ALG14: variants seen among roughly 807,000 people sequenced by gnomAD.
ALG14 encodes UDP-N-acetylglucosamine transferase subunit ALG14.
In ALG14, 17 loss-of-function variants were observed where a neutral mutation model predicts 22.8. The observed-to-expected ratio is 0.75, with a 90% CI of 0.51 to 1.12. The LOEUF (loss-of-function observed/expected upper bound fraction) is 1.12, where lower values mean the gene tolerates loss of function less well. ALG14 is among the 50% of genes most tolerant of loss of function. The pLI is 0.00. For missense variants in ALG14, 288 were observed against 271.8 expected (o/e 1.06, Z -0.42); for synonymous variants, 89 against 103.7 (o/e 0.86, Z 0.86).
chr1:95,058,377 G>A (rs1212162323), intron 2 of ALG14, among the ~76,000 whole-genome samples: 1 of 151,012 alleles, frequency 6.6e-6, no homozygotes, highest in Non-Finnish European at 1.5e-5. Flanking sequence ...ATTTTGGGAG[G>A]CTGAGGAGGT....
chr1:95,066,419 TCAC>T (rs1675370869), intron 1 of ALG14, among the ~76,000 whole-genome samples: 1 of 152,150 alleles, frequency 6.6e-6, no homozygotes, highest in Non-Finnish European at 1.5e-5. Context: ...AGACAGAGTT[TCAC>T]CACATTAGTC....
At chr1:95,012,702 T>A (rs1359792129) in intron 3 of ALG14, among the ~76,000 whole-genome samples, 1 of 152,202 alleles carries the variant, frequency 6.6e-6, no homozygotes, top group Non-Finnish European at 1.5e-5. Context: ...TAGAATTTCC[T>A]AGTATGTCAT....
At chr1:95,025,443 C>A (rs1452838910) in intron 3 of ALG14, among the ~76,000 whole-genome samples, 2 of 152,196 alleles carry the variant, frequency 1.3e-5, no homozygotes, top group Non-Finnish European at 2.9e-5. Flanking sequence ...TAAATGAGCA[C>A]TGGCTTCAAC....
intron 3 of ALG14, among the ~76,000 whole-genome samples, chr1:94,996,122 T>A (rs888087320): frequency 1.3e-5 from 2 of 152,238 alleles, no homozygotes; most frequent in African/African-American, 4.8e-5. Flanking sequence ...GAGGAGTGAC[T>A]CTATGCTAGT....
chr1:95,019,939 C>T (rs532796957), intron 3 of ALG14, among the ~76,000 whole-genome samples: 1 of 152,176 alleles, frequency 6.6e-6, no homozygotes, highest in East Asian at 1.9e-4. Context: ...GATACATGGC[C>T]GGGTGTGGTG....
chr1:95,000,113 C>T (rs1280224912), intron 3 of ALG14, among the ~76,000 whole-genome samples: 2 of 152,232 alleles, frequency 1.3e-5, no homozygotes, highest in African/African-American at 4.8e-5. Flanking sequence ...CCTTCCTAAA[C>T]TCACTGCCTA....
intron 3 of ALG14, among the ~76,000 whole-genome samples, chr1:94,999,091 T>C (rs990419335): frequency 2.0e-4 from 31 of 152,122 alleles, no homozygotes; most frequent in African/African-American, 7.0e-4. Context: ...TTTTGAAACA[T>C]GTCATTAGTT....
chr1:95,071,425 TC>T (rs67122987), intron 1 of ALG14, among the ~76,000 whole-genome samples: 2,444 of 152,120 alleles, frequency 0.016, 63 homozygotes, highest in African/African-American at 0.056. Context: ...GCGCCTGTAA[TC>T]CCAGCTACTC....
At chr1:95,049,311 T>C (rs1169898058) in intron 2 of ALG14, among the ~76,000 whole-genome samples, 2 of 152,044 alleles carry the variant, frequency 1.3e-5, no homozygotes, top group Admixed American at 6.6e-5. Flanking sequence ...AATGGGCAGA[T>C]TGCTTGAGTT....
chr1:95,014,909 T>C (rs1367348102), intron 3 of ALG14, among the ~76,000 whole-genome samples: 1 of 152,198 alleles, frequency 6.6e-6, no homozygotes, highest in African/African-American at 2.4e-5. Context: ...AGCATGTTGA[T>C]GGAATGGCAG....
chr1:95,011,210 G>C (rs965387676), intron 3 of ALG14, among the ~76,000 whole-genome samples: 7 of 152,144 alleles, frequency 4.6e-5, no homozygotes, highest in African/African-American at 7.2e-5. Context: ...GCTTTTGGGA[G>C]ATGATTAGGT....
intron 2 of ALG14, among the ~76,000 whole-genome samples, chr1:95,040,673 A>G (rs1214247552): frequency 6.6e-6 from 1 of 152,208 alleles, no homozygotes. Context: ...AATAAATTGT[A>G]TGTTTGTACT....
intron 2 of ALG14, among the ~76,000 whole-genome samples, chr1:95,046,508 C>A (rs763748853): frequency 6.6e-6 from 1 of 152,200 alleles, no homozygotes; most frequent in African/African-American, 2.4e-5. Flanking sequence ...GTGGAAAAAC[C>A]GTCTTCCATG....
intron 2 of ALG14, among the ~76,000 whole-genome samples, chr1:95,038,697 C>CA (rs1036147363): frequency 3.2e-5 from 4 of 126,718 alleles, no homozygotes; most frequent in African/African-American, 1.2e-4. Context: ...AAAAAAAAAA[C>CA]AAAGTGATAA....
At chr1:95,063,518 C>T (rs1571677880) in intron 2 of ALG14, among the ~76,000 whole-genome samples, 1 of 152,208 alleles carries the variant, frequency 6.6e-6, no homozygotes, top group African/African-American at 2.4e-5. Flanking sequence ...TATGGCTAGC[C>T]AGTTCAACTC....
At chr1:95,021,589 A>G (rs1673663662) in intron 3 of ALG14, among the ~76,000 whole-genome samples, 1 of 152,174 alleles carries the variant, frequency 6.6e-6, no homozygotes, top group Non-Finnish European at 1.5e-5. Context: ...TGCTATACAA[A>G]TAGAGCTCCT....
chr1:95,025,159 C>T (rs181320305), intron 3 of ALG14, among the ~76,000 whole-genome samples: 34 of 152,284 alleles, frequency 2.2e-4, no homozygotes, highest in African/African-American at 7.7e-4. Flanking sequence ...TGTATATCTC[C>T]ATCAGAGCTC....
In ALG14 at chr1:94,982,594, A is replaced by C. The variant is rs1444215578; in HGVS notation, c.*482T>G. 6.6e-6 allele frequency: 1 copy of C among 152,066 alleles called. No homozygotes were observed. The highest frequency in any genetic ancestry group is 1.4e-5 in the Non-Finnish European group (1 of 69,678). The allele number at this position is 152,066 out of a possible 1,614,324, so 9.4% of individuals were successfully genotyped here. ...TGCTTCCTTTATGCTGAAAGGATTC[A>C]CTGGGGACATCACTGTTTCCATACA... is the stretch of plus-strand genomic sequence containing the variant. On this transcript the variant is annotated 3_prime_UTR_variant, in exon 4 of 4. Coordinates refer to ENST00000370205, the MANE Select transcript of ALG14 (RefSeq NM_144988.4).
intron 3 of ALG14, among the ~76,000 whole-genome samples, chr1:94,993,826 T>C (rs956416389): frequency 6.6e-6 from 1 of 152,128 alleles, no homozygotes; most frequent in Non-Finnish European, 1.5e-5. Context: ...GGCTCCAAAA[T>C]CCCCTCTACA....
Sources: allele counts gnomAD v4.1 joint callset (sites outside exome capture counted in the v4.1 genomes callset), GRCh38; gene constraint gnomAD v4.1.1; transcripts MANE v1.5; gene names NCBI Gene and HGNC (gene_info 2026-07-23, HGNC 2026-07-21).